Variants in CALN1 observed in about 807,000 individuals in gnomAD.
The protein encoded by CALN1 is calneuron 1.
In CALN1, 17 loss-of-function variants were observed where a neutral mutation model predicts 30.6. That is an observed-to-expected ratio of 0.56 (90% CI 0.38 to 0.83). The LOEUF (loss-of-function observed/expected upper bound fraction) is 0.83. CALN1 is among the 40% of genes least tolerant of loss of function. CALN1 has a pLI of 0.00. For missense variants in CALN1, 291 were observed against 354.9 expected, an observed-to-expected ratio of 0.82 and a Z score of 1.45; for synonymous variants, 156 against 131.4, an observed-to-expected ratio of 1.19 and a Z score of -1.28.
chr7:71,951,958 T>C (rs1046363850), intron 5 of CALN1, among the ~76,000 whole-genome samples: 7 of 152,032 alleles, frequency 4.6e-5, no homozygotes, highest in African/African-American at 1.7e-4. Flanking sequence ...ATTCCCCTCC[T>C]GGGAGTCAGA....
At chr7:71,812,923 CATCATCATT>C (rs1415337196) in intron 5 of CALN1, among the ~76,000 whole-genome samples, 77 of 81,972 alleles carry the variant, frequency 9.4e-4, no homozygotes, top group African/African-American at 2.4e-3. Context: ...TATTTATCAT[CATCATCATT>C]ATTATTATTA....
intron 4 of CALN1, among the ~76,000 whole-genome samples, chr7:72,055,588 C>T (rs1211263742): frequency 6.6e-6 from 1 of 151,916 alleles, no homozygotes; most frequent in Non-Finnish European, 1.5e-5. Flanking sequence ...AAAATTGCAA[C>T]AGACAAAAAC....
intron 4 of CALN1, among the ~76,000 whole-genome samples, chr7:72,091,487 G>C (rs1358337501): frequency 2.0e-5 from 3 of 152,090 alleles, no homozygotes; most frequent in Non-Finnish European, 4.4e-5. Flanking sequence ...TCATATGCTT[G>C]TATCAAAATA....
intron 4 of CALN1, among the ~76,000 whole-genome samples, chr7:72,046,374 G>A (rs1375006173): frequency 6.6e-6 from 1 of 152,006 alleles, no homozygotes. Flanking sequence ...CTGAGTAGCT[G>A]AGACTACAGG....
the CALN1 span, among the ~76,000 whole-genome samples, chr7:72,482,398 A>G: frequency 6.6e-6 from 1 of 152,082 alleles, no homozygotes; most frequent in Non-Finnish European, 1.5e-5. Flanking sequence ...CTATCATGAT[A>G]ATATTTGTTT....
chr7:72,182,840 T>G (rs1416548682), intron 3 of CALN1, among the ~76,000 whole-genome samples: 1 of 151,402 alleles, frequency 6.6e-6, no homozygotes, highest in Admixed American at 6.6e-5. Context: ...AGGCACAAAG[T>G]TGTGACAATT....
At chr7:72,395,847 G>T (rs1805899569) in intron 2 of CALN1, among the ~76,000 whole-genome samples, 1 of 152,068 alleles carries the variant, frequency 6.6e-6, no homozygotes, top group South Asian at 2.1e-4. Flanking sequence ...GGGGACTTCT[G>T]GGACCTTGGC....
intron 5 of CALN1, among the ~76,000 whole-genome samples, chr7:71,846,112 A>G (rs1038313037): frequency 3.9e-5 from 6 of 152,262 alleles, no homozygotes; most frequent in African/African-American, 1.2e-4. Context: ...CCCACTTTGC[A>G]TAACAAAACA....
chr7:72,471,290 A>G, the CALN1 span, among the ~76,000 whole-genome samples: 1 of 152,164 alleles, frequency 6.6e-6, no homozygotes, highest in Admixed American at 6.5e-5. Flanking sequence ...GCTCAAGGAT[A>G]CCCCTAGGTT....
At chr7:71,792,896 T>TATCCC (rs372114267) in intron 6 of CALN1, among the ~76,000 whole-genome samples, 77 of 152,024 alleles carry the variant, frequency 5.1e-4, no homozygotes, top group African/African-American at 1.8e-3. Context: ...CAACAGGGAT[T>TATCCC]ATCCCCCAGG....
intron 5 of CALN1, among the ~76,000 whole-genome samples, chr7:71,993,283 T>A (rs1799054548): frequency 6.6e-6 from 1 of 152,102 alleles, no homozygotes; most frequent in African/African-American, 2.4e-5. Context: ...ATTGTCAAGT[T>A]CTCTTTTAGA....
the CALN1 span, among the ~76,000 whole-genome samples, chr7:72,503,214 G>C: frequency 6.6e-6 from 1 of 152,108 alleles, no homozygotes. Flanking sequence ...TGTCAAATGG[G>C]GGCAGGGGCT....
In CALN1 at chr7:71,779,514, T is replaced by C. The variant is rs921096758; in HGVS notation, c.*8261A>G. 1 of 152,172 alleles carries C rather than the reference T, an allele frequency of 6.6e-6. No homozygotes were observed. The highest frequency in any genetic ancestry group is 1.5e-5 in the Non-Finnish European group (1 of 68,038). The allele number at this position is 152,172 out of a possible 1,614,324, so 9.4% of individuals were successfully genotyped here. A position where few individuals can be genotyped will look rare whatever the true frequency, so the allele number is the denominator to read the frequency against. ...TGTCAAAAGAAAAAAAAACTTTTATTTTTTCTATTGCATAAATAATGGTAA... is the reference window on the plus strand; with the variant it reads ...TGTCAAAAGAAAAAAAAACTTTTATCTTTTCTATTGCATAAATAATGGTAA... On this transcript the variant is annotated 3_prime_UTR_variant, in exon 7 of 7. Coordinates refer to ENST00000395275, the MANE Select transcript of CALN1 (RefSeq NM_031468.4).
At chr7:72,450,401 C>T (rs150362499), upstream of CALN1, among the ~76,000 whole-genome samples, 34 of 152,198 alleles carry the variant, frequency 2.2e-4, no homozygotes, top group African/African-American at 7.9e-4. Context: ...ATCCCAGAGC[C>T]CCCCGACCCC....
rs533027771 is a variant in CALN1 at position 72,383,046 on chromosome 7, A to G, written c.119+20205T>C. Among the ~76,000 whole-genome samples the G allele has an allele frequency of 8.5e-5, 13 of 152,276 alleles. No individual in the cohort carries two copies. The South Asian group carries it at 2.3e-3, about 27-fold the overall frequency. On this transcript the variant is annotated intron_variant, in intron 2 of 6. Transcript: ENST00000395275. ...CATGATCCACCCTCCTCGGCCTCCC[A>G]AAGTGCTGGGATTACGGGCATGAGC...
chr7:72,209,379 TC>T (rs1792201397), intron 3 of CALN1, among the ~76,000 whole-genome samples: 1 of 43,536 alleles, frequency 2.3e-5, no homozygotes. Context: ...CCTCCTTCCC[TC>T]CTTCCCTCTT....
At chr7:71,849,416 T>C (rs202052829) in intron 5 of CALN1, among the ~76,000 whole-genome samples, 1 of 149,278 alleles carries the variant, frequency 6.7e-6, no homozygotes, top group East Asian at 2.0e-4. Flanking sequence ...CTTTGTTCTT[T>C]TTCAATCTTG....
At chr7:71,829,486 G>C (rs1382787098) in intron 5 of CALN1, among the ~76,000 whole-genome samples, 1 of 152,206 alleles carries the variant, frequency 6.6e-6, no homozygotes, top group African/African-American at 2.4e-5. Flanking sequence ...TGTTATAAGA[G>C]CAACAGGGAA....
At chr7:71,968,043 G>A (rs1002391422) in intron 5 of CALN1, among the ~76,000 whole-genome samples, 1 of 152,126 alleles carries the variant, frequency 6.6e-6, no homozygotes, top group Non-Finnish European at 1.5e-5. Context: ...GTATTTACTT[G>A]AGAGAAATGA....
Sources: gnomAD v4.1 joint callset for allele counts (sites outside exome capture counted in the v4.1 genomes callset) on GRCh38, gnomAD v4.1.1 for gene constraint, MANE v1.5 for transcripts, NCBI Gene and HGNC (gene_info 2026-07-23, HGNC 2026-07-21) for gene names.